Variants in GPC5 observed in about 807,000 individuals in gnomAD.
The protein encoded by GPC5 is glypican 5.
GPC5 carries 47 observed loss-of-function variants against 53.9 expected under a neutral mutation model. That is an observed-to-expected ratio of 0.87 (90% CI 0.69 to 1.11). GPC5 has a LOEUF of 1.11. GPC5 is among the 50% of genes most tolerant of loss of function. GPC5 has a pLI of 0.00. For synonymous variants in GPC5, 286 were observed against 263.3 expected, an observed-to-expected ratio of 1.09 and a Z score of -0.84; for missense variants, 748 against 713.1, an observed-to-expected ratio of 1.05 and a Z score of -0.56.
At chr13:91,960,362 T>G (rs1279875134) in intron 6 of GPC5, among the ~76,000 whole-genome samples, 2 of 151,804 alleles carry the variant, frequency 1.3e-5, no homozygotes, top group East Asian at 1.9e-4. Context: ...AGTAATAAAT[T>G]TAACCAAGAA....
At position 92,572,653 on chromosome 13, in the gene GPC5, A is replaced by G. The variant is rs369817398; in HGVS notation, c.1562-293629A>G. On this transcript the variant is annotated intron_variant, in intron 7 of 7. Transcript: ENST00000377067. ...AGCTCTAATAATCCTTTAAGAATAA[A>G]AGACAATGAAAAAGAATTCTTTTTT... is the stretch of plus-strand genomic sequence containing the variant. 1.8e-4 allele frequency among the ~76,000 whole-genome samples: 27 copies of G among 152,312 alleles called. No individual in the cohort carries two copies. In the South Asian group the frequency reaches 5.6e-3, roughly 32 times the overall value.
At chr13:91,531,782 T>G (rs1368164573) in intron 2 of GPC5, among the ~76,000 whole-genome samples, 3 of 152,196 alleles carry the variant, frequency 2.0e-5, no homozygotes, top group African/African-American at 7.2e-5. Context: ...GGTAAATACT[T>G]TGGATCTGAC....
chr13:92,484,222 T>C (rs1030247346), intron 7 of GPC5, among the ~76,000 whole-genome samples: 1 of 152,094 alleles, frequency 6.6e-6, no homozygotes, highest in Non-Finnish European at 1.5e-5. Flanking sequence ...CTTGTACTAC[T>C]GGAGGGACTT....
intron 6 of GPC5, among the ~76,000 whole-genome samples, chr13:91,965,537 C>T (rs868553152): frequency 2.0e-5 from 3 of 152,102 alleles, no homozygotes; most frequent in African/African-American, 4.8e-5. Flanking sequence ...TTGTACATAT[C>T]TTCAGATTCA....
intron 6 of GPC5, among the ~76,000 whole-genome samples, chr13:91,989,393 A>G (rs1044928168): frequency 6.6e-6 from 1 of 152,258 alleles, no homozygotes; most frequent in Non-Finnish European, 1.5e-5. Context: ...TGTAATCAAA[A>G]GAAGAAATTG....
chr13:91,868,753 T>C (rs1472988102), intron 5 of GPC5, among the ~76,000 whole-genome samples: 1 of 151,970 alleles, frequency 6.6e-6, no homozygotes, highest in African/African-American at 2.4e-5. Flanking sequence ...ACACAAAAAA[T>C]GAGGTAGAGG....
intron 2 of GPC5, among the ~76,000 whole-genome samples, chr13:91,489,006 G>C (rs1297661543): frequency 3.3e-5 from 5 of 152,172 alleles, no homozygotes; most frequent in Admixed American, 6.5e-5. Context: ...GCACTCCCAG[G>C]CTTATTAGGC....
At chr13:92,024,061 G>T (rs2040781361) in intron 6 of GPC5, among the ~76,000 whole-genome samples, 1 of 151,996 alleles carries the variant, frequency 6.6e-6, no homozygotes, top group African/African-American at 2.4e-5. Context: ...AAACTGTAGG[G>T]CCAGAATTTA....
At chr13:91,407,209 G>A (rs1877389388) in intron 1 of GPC5, among the ~76,000 whole-genome samples, 1 of 152,138 alleles carries the variant, frequency 6.6e-6, no homozygotes. Context: ...GGGCTCATTT[G>A]TGTTGAATGA....
At chr13:91,723,294 C>CCTT (rs1566638176) in intron 3 of GPC5, among the ~76,000 whole-genome samples, 1 of 151,584 alleles carries the variant, frequency 6.6e-6, no homozygotes, top group Non-Finnish European at 1.5e-5. Flanking sequence ...GAAAGATTTT[C>CCTT]CTTCTGCCAT....
chr13:92,094,662 C>T (rs1368682596), intron 6 of GPC5, among the ~76,000 whole-genome samples: 2 of 151,440 alleles, frequency 1.3e-5, no homozygotes, highest in African/African-American at 4.9e-5. Flanking sequence ...GGCCCCCAAA[C>T]ATTTCAAAGT....
At chr13:91,609,584 A>T (rs1427569260) in intron 2 of GPC5, among the ~76,000 whole-genome samples, 1 of 152,168 alleles carries the variant, frequency 6.6e-6, no homozygotes, top group Non-Finnish European at 1.5e-5. Flanking sequence ...CAGGATATTC[A>T]CTCAAGATGT....
intron 7 of GPC5, among the ~76,000 whole-genome samples, chr13:92,559,702 G>A (rs922969593): frequency 6.6e-6 from 1 of 151,600 alleles, no homozygotes; most frequent in Admixed American, 6.6e-5. Context: ...TACCTTGCCA[G>A]GGGAAACTCA....
intron 6 of GPC5, among the ~76,000 whole-genome samples, chr13:91,964,904 T>C (rs1438654949): frequency 6.6e-6 from 1 of 151,882 alleles, no homozygotes; most frequent in Non-Finnish European, 1.5e-5. Context: ...TATGCAGCCA[T>C]AAAAAAGGAT....
At chr13:91,877,362 G>A (rs2039215094) in intron 5 of GPC5, among the ~76,000 whole-genome samples, 1 of 152,202 alleles carries the variant, frequency 6.6e-6, no homozygotes, top group Non-Finnish European at 1.5e-5. Context: ...CCGGGAGGGA[G>A]GCTGTACCCT....
chr13:92,078,064 T>A (rs2041266976), intron 6 of GPC5, among the ~76,000 whole-genome samples: 1 of 152,114 alleles, frequency 6.6e-6, no homozygotes, highest in Admixed American at 6.6e-5. Context: ...CACATACACA[T>A]GTGTATACAT....
At chr13:92,283,118 A>C (rs2042928781) in intron 7 of GPC5, among the ~76,000 whole-genome samples, 1 of 152,206 alleles carries the variant, frequency 6.6e-6, no homozygotes, top group Non-Finnish European at 1.5e-5. Flanking sequence ...CAGACTTTAA[A>C]CCAATAAAGG....
intron 3 of GPC5, among the ~76,000 whole-genome samples, chr13:91,700,272 G>A (rs994916767): frequency 9.9e-5 from 15 of 152,170 alleles, no homozygotes; most frequent in African/African-American, 3.6e-4. Context: ...TTAGGGGCAG[G>A]TAACAAGTTT....
Position 91,398,800 on chromosome 13 carries a change from T to C in GPC5, c.-247T>C. 2.3e-6 allele frequency: 1 copy of C among 434,016 alleles called. No individual in the cohort carries two copies. Among genetic ancestry groups the C allele is most frequent in the Non-Finnish European group, 4.0e-6 (1 of 247,276 alleles). The allele number at this position is 434,016 out of a possible 1,614,324, so 26.9% of individuals were successfully genotyped here. A position where few individuals can be genotyped will look rare whatever the true frequency, so the allele number is the denominator to read the frequency against. ...TTCGCCCCGCCCAGCCGCCCACTCTTCTCGGCTAGGGAAGAAGACCAGAGG... is the reference window on the plus strand; with the variant it reads ...TTCGCCCCGCCCAGCCGCCCACTCTCCTCGGCTAGGGAAGAAGACCAGAGG... On this transcript the variant is annotated 5_prime_UTR_variant, in exon 1 of 8. Coordinates refer to ENST00000377067, the MANE Select transcript of GPC5 (RefSeq NM_004466.6).
Sources: gnomAD v4.1 joint callset for allele counts (sites outside exome capture counted in the v4.1 genomes callset) on GRCh38, gnomAD v4.1.1 for gene constraint, MANE v1.5 for transcripts, NCBI Gene and HGNC (gene_info 2026-07-23, HGNC 2026-07-21) for gene names.